VPS26B: variants seen among roughly 807,000 people sequenced by gnomAD.
The protein encoded by VPS26B is vacuolar protein sorting-associated protein 26B.
In VPS26B, 10 loss-of-function variants were observed where a neutral mutation model predicts 33.3. The observed-to-expected ratio is 0.30, with a 90% CI of 0.19 to 0.51. VPS26B has a LOEUF of 0.51. Among genes scored for constraint, VPS26B ranks in the 20% least tolerant of loss-of-function variants. The pLI, the probability that VPS26B is intolerant of heterozygous loss-of-function variation, is 0.98. For missense variants in VPS26B, 317 were observed against 452.7 expected (o/e 0.70, Z 2.72); for synonymous variants, 190 against 176.9 (o/e 1.07, Z -0.59).
At position 134,238,717 on chromosome 11, in the gene VPS26B, T is replaced by C. The variant is rs991267047; in HGVS notation, c.381-1274T>C. On this transcript the variant is annotated intron_variant, in intron 2 of 5. Transcript: ENST00000281187. ...TTCACGCCATTCTCCTGCCTCAGCC[T>C]CCCGAGTAGCTGGGACTACAGGCGC... Among the ~76,000 whole-genome samples the C allele has an allele frequency of 5.7e-4, 87 of 152,252 alleles. 1 individual carries two copies. The highest frequency in any genetic ancestry group is 5.4e-3 in the Admixed American group (83 of 15,294).
At chr11:134,239,851 A>AT (rs1333387095) in intron 2 of VPS26B, 140 bp from the exon 3 acceptor site, 10 of 879,274 alleles carry the variant, frequency 1.1e-5, no homozygotes, top group Non-Finnish European at 1.8e-5. Context: ...GAGGGTCTGT[A>AT]ACTTCTTAAA....
intron 2 of VPS26B, among the ~76,000 whole-genome samples, chr11:134,239,167 A>G (rs897788724): frequency 7.9e-5 from 12 of 152,116 alleles, no homozygotes; most frequent in Admixed American, 2.6e-4. Flanking sequence ...CCTCCACAGC[A>G]GCGTCCTCCC....
rs898490901 is a variant in VPS26B at position 134,240,877 on chromosome 11, C to T, written c.545+722C>T. ...CAGGCTGGTCTTGAACTACTGAGCT[C>T]GTGATCTGCCTGCCTTGGCTTCCCA... On this transcript the variant is annotated intron_variant, in intron 3 of 5. Coordinates refer to ENST00000281187, the MANE Select transcript of VPS26B (RefSeq NM_052875.5). This position sits in a 1 kb window ranked among gnomAD's most constrained non-coding sequence, Gnocchi z 4.4. Among the ~76,000 whole-genome samples the T allele has an allele frequency of 6.7e-6, 1 of 150,042 alleles. No homozygotes were observed. Among genetic ancestry groups the T allele is most frequent in the Non-Finnish European group, 1.5e-5 (1 of 67,564 alleles).
At chr11:134,242,732 T>C (rs1240882562) in intron 3 of VPS26B, among the ~76,000 whole-genome samples, 1 of 152,232 alleles carries the variant, frequency 6.6e-6, no homozygotes, top group Admixed American at 6.5e-5. Flanking sequence ...AAAGACATTG[T>C]GTGGAGATCA....
At position 134,240,177 on chromosome 11, in the gene VPS26B, T is replaced by C; in HGVS notation, c.545+22T>C. 1.2e-6 allele frequency: 2 copies of C among 1,613,342 alleles called. No homozygotes were observed. The highest frequency in any genetic ancestry group is 1.7e-6 in the Non-Finnish European group (2 of 1,179,490). Reference sequence around the variant, plus strand: ...CCAAGTAAGTGTCTCAGTGCCAAGGTTGTGAAATGATTATTTAAGGAGGTT... The same window carrying C: ...CCAAGTAAGTGTCTCAGTGCCAAGGCTGTGAAATGATTATTTAAGGAGGTT... On this transcript the variant is annotated intron_variant, in intron 3 of 5. Transcript: ENST00000281187. This position sits in a 1 kb window ranked among gnomAD's most constrained non-coding sequence, Gnocchi z 4.4.
In VPS26B at chr11:134,245,846, A is replaced by G. The variant is rs1938807043; in HGVS notation, c.*256A>G. ...ATCCTGGAAGCCAGCCTCTCTGGGG[A>G]ACATGAGCCCCCTTCCTCGGGGGGC... On this transcript the variant is annotated 3_prime_UTR_variant, in exon 6 of 6. Transcript: ENST00000281187. The surrounding 1 kb of genome is among the most constrained non-coding windows in gnomAD (Gnocchi z 4.7). 1 of 481,690 alleles carries G rather than the reference A, an allele frequency of 2.1e-6. No individual in the cohort carries two copies. Among genetic ancestry groups the G allele is most frequent in the African/African-American group, 1.9e-5 (1 of 51,960 alleles). 29.8% of individuals were successfully genotyped at this position (481,690 alleles called of 1,614,324 possible). A position where few individuals can be genotyped will look rare whatever the true frequency, so the allele number is the denominator to read the frequency against.
At position 134,225,033 on chromosome 11, in the gene VPS26B, T is replaced by C. The variant is rs1938412370; in HGVS notation, c.-90T>C. 2 of 1,273,242 alleles carry C rather than the reference T, an allele frequency of 1.6e-6. No individual in the cohort carries two copies. The highest frequency in any genetic ancestry group is 1.0e-6 in the Non-Finnish European group (1 of 970,710). 78.9% of individuals were successfully genotyped at this position (1,273,242 alleles called of 1,614,324 possible). A position where few individuals can be genotyped will look rare whatever the true frequency, so the allele number is the denominator to read the frequency against. ...CGCGGCGGCCGAGCGCGCTCGCGCATCGGGCCCTCTGGCCTTCTTTACCTA... is the reference window on the plus strand; with the variant it reads ...CGCGGCGGCCGAGCGCGCTCGCGCACCGGGCCCTCTGGCCTTCTTTACCTA... On this transcript the variant is annotated 5_prime_UTR_variant, in exon 1 of 6. Transcript: ENST00000281187.
At chr11:134,227,825 T>C (rs1479901436) in intron 1 of VPS26B, among the ~76,000 whole-genome samples, 1 of 152,234 alleles carries the variant, frequency 6.6e-6, no homozygotes, top group Admixed American at 6.5e-5. Flanking sequence ...ATGGTAGTTG[T>C]AGTAAAATGT....
chr11:134,235,275 T>A, intron 2 of VPS26B: 1 of 450,864 alleles, frequency 2.2e-6, no homozygotes. Context: ...AGCCCCGCCA[T>A]GGCCAATTTC....
chr11:134,241,176 G>C (rs1938719083), intron 3 of VPS26B, among the ~76,000 whole-genome samples: 1 of 152,158 alleles, frequency 6.6e-6, no homozygotes, highest in Admixed American at 6.5e-5. Context: ...TCTATTCACA[G>C]AGAGCTATAC....
Position 134,247,249 on chromosome 11 carries a change from TTGA to T in VPS26B, c.*1664_*1666del, listed in dbSNP as rs987003441. The stretch of plus-strand genomic sequence containing the variant: ...GAACAGGATCACCCATGCGCTGCCC[TTGA>T]TGATCAAGGTTGGGGCTTAAGTGGA... On this transcript the variant is annotated 3_prime_UTR_variant, in exon 6 of 6. Coordinates refer to ENST00000281187, the MANE Select transcript of VPS26B (RefSeq NM_052875.5). 4.6e-5 allele frequency: 7 copies of T among 152,160 alleles called. No individual in the cohort carries two copies. The highest frequency in any genetic ancestry group is 3.3e-4 in the Admixed American group (5 of 15,274). 9.4% of individuals were successfully genotyped at this position (152,160 alleles called of 1,614,324 possible). A position where few individuals can be genotyped will look rare whatever the true frequency, so the allele number is the denominator to read the frequency against.
At chr11:134,236,136 C>T (rs547904847) in intron 2 of VPS26B, among the ~76,000 whole-genome samples, 2 of 151,978 alleles carry the variant, frequency 1.3e-5, no homozygotes, top group East Asian at 3.9e-4. Context: ...ATATTGAGAC[C>T]CTATCTCTAC....
chr11:134,245,666 C>A lies in VPS26B; in HGVS notation c.*76C>A. 1.3e-6 allele frequency: 2 copies of A among 1,491,938 alleles called. No individual in the cohort carries two copies. 92.4% of individuals were successfully genotyped at this position (1,491,938 alleles called of 1,614,324 possible). On this transcript the variant is annotated 3_prime_UTR_variant, in exon 6 of 6. Coordinates refer to ENST00000281187, the MANE Select transcript of VPS26B (RefSeq NM_052875.5). The surrounding 1 kb of genome is among the most constrained non-coding windows in gnomAD (Gnocchi z 4.7). The stretch of plus-strand genomic sequence containing the variant: ...CAACACCAGCGGCTGGGGGCGGGGG[C>A]GGACCTTGTGAGGCTCAGTTGACCC...
At chr11:134,230,307 T>G (rs1421998558) in intron 1 of VPS26B, among the ~76,000 whole-genome samples, 3 of 152,262 alleles carry the variant, frequency 2.0e-5, no homozygotes, top group African/African-American at 7.2e-5. Flanking sequence ...GATATATTGG[T>G]CAAATCTAAG....
Position 134,244,570 on chromosome 11 carries a change from C to T in VPS26B, c.722-368C>T, listed in dbSNP as rs1938781475. The T allele has an allele frequency of 1.1e-5, 2 of 178,126 alleles. No individual in the cohort carries two copies. Among genetic ancestry groups the T allele is most frequent in the Admixed American group, 1.2e-4 (2 of 16,712 alleles). 11.0% of individuals were successfully genotyped at this position (178,126 alleles called of 1,614,324 possible). A position where few individuals can be genotyped will look rare whatever the true frequency, so the allele number is the denominator to read the frequency against. On this transcript the variant is annotated intron_variant, in intron 4 of 5. Coordinates refer to ENST00000281187, the MANE Select transcript of VPS26B (RefSeq NM_052875.5). This position sits in a 1 kb window ranked among gnomAD's most constrained non-coding sequence, Gnocchi z 4.0. ...ATACACTGAGGATGGAGAAAGATGGCATCAGAACTGCTGGGTGAAGTGGTG... is the reference window on the plus strand; with the variant it reads ...ATACACTGAGGATGGAGAAAGATGGTATCAGAACTGCTGGGTGAAGTGGTG...
intron 2 of VPS26B, 21 bp from the exon 3 acceptor site, chr11:134,239,970 T>A (rs371965481): frequency 1.2e-5 from 19 of 1,613,970 alleles, no homozygotes; most frequent in Non-Finnish European, 1.6e-5. Context: ...TGTTTATTCA[T>A]GACAGTTCCG....
chr11:134,238,087 CAT>C lies in VPS26B; in HGVS notation c.381-1903_381-1902del, dbSNP rs553294578. 1.2e-3 allele frequency among the ~76,000 whole-genome samples: 190 copies of C among 152,244 alleles called. 3 individuals are homozygous for C. In the South Asian group the frequency reaches 0.018, roughly 15 times the overall value. ...CGGACCAAGGCTTCCACATTAGAAT[CAT>C]GTGGGAAGCTTTTTAAAATGCGAAT... On this transcript the variant is annotated intron_variant, in intron 2 of 5. Transcript: ENST00000281187.
intron 3 of VPS26B, among the ~76,000 whole-genome samples, chr11:134,241,508 G>A (rs1414835106): frequency 2.6e-5 from 4 of 152,180 alleles, no homozygotes; most frequent in Non-Finnish European, 5.9e-5. Flanking sequence ...GGCCTGGCAT[G>A]GGAACAGGTT....
intron 1 of VPS26B, 67 bp from the exon 2 acceptor site, chr11:134,234,830 C>A: frequency 6.4e-7 from 1 of 1,569,466 alleles, no homozygotes; most frequent in South Asian, 1.2e-5. Context: ...AGCCTCCAGC[C>A]CCCTACTCGG....
Sources: gnomAD v4.1 joint callset for allele counts (sites outside exome capture counted in the v4.1 genomes callset) on GRCh38, gnomAD v4.1.1 for gene constraint, Gnocchi (gnomAD v3.1) non-coding constraint, MANE v1.5 for transcripts, NCBI Gene and HGNC (gene_info 2026-07-23, HGNC 2026-07-21) for gene names.